HIBCH: variants seen among roughly 807,000 people sequenced by gnomAD.
The protein encoded by HIBCH is 3-hydroxyisobutyryl-CoA hydrolase, mitochondrial.
HIBCH carries 50 observed loss-of-function variants against 58.2 expected under a neutral mutation model. The observed-to-expected ratio is 0.86, with a 90% CI of 0.68 to 1.09. The LOEUF (loss-of-function observed/expected upper bound fraction) is 1.09. Among genes scored for constraint, HIBCH ranks in the 50% least tolerant of loss-of-function variants. The probability of loss-of-function intolerance (pLI) is 0.00; values close to 1 mark genes in which losing one functional copy is unlikely to be tolerated. For missense variants in HIBCH, 450 were observed against 449.7 expected, an observed-to-expected ratio of 1.00 and a Z score of -0.01; for synonymous variants, 151 against 146.9, an observed-to-expected ratio of 1.03 and a Z score of -0.20.
At chr2:190,299,817 C>T (rs1559060808) in intron 2 of HIBCH, among the ~76,000 whole-genome samples, 1 of 152,144 alleles carries the variant, frequency 6.6e-6, no homozygotes, top group Non-Finnish European at 1.5e-5. Flanking sequence ...CTCCCTCCTC[C>T]TATCCTCGAC....
At chr2:190,290,506 A>AT (rs768437972) in intron 4 of HIBCH, 21 bp from the exon 5 acceptor site, 3 of 1,495,298 alleles carry the variant, frequency 2.0e-6, no homozygotes, top group South Asian at 1.1e-5. Flanking sequence ...AAGATTACAA[A>AT]TAAAAAAAAA....
At chr2:190,316,537 A>C (rs895773140) in intron 1 of HIBCH, among the ~76,000 whole-genome samples, 4 of 152,322 alleles carry the variant, frequency 2.6e-5, no homozygotes, top group Middle Eastern at 3.4e-3. Context: ...CTAAAACTGC[A>C]CTTTTTCCAG....
intron 6 of HIBCH, among the ~76,000 whole-genome samples, chr2:190,283,454 G>C (rs549111008): frequency 2.2e-4 from 34 of 152,264 alleles, no homozygotes; most frequent in African/African-American, 7.9e-4. Flanking sequence ...CCTTGTCCAG[G>C]TGTATGCTCA....
intron 11 of HIBCH, among the ~76,000 whole-genome samples, chr2:190,222,293 C>T (rs112815755): frequency 5.6e-4 from 86 of 152,244 alleles, no homozygotes; most frequent in African/African-American, 1.7e-3. Flanking sequence ...GGCACAGAAA[C>T]GGCCGGCTAG....
intron 11 of HIBCH, among the ~76,000 whole-genome samples, chr2:190,222,095 G>A (rs199562347): frequency 6.6e-6 from 1 of 152,150 alleles, no homozygotes; most frequent in Non-Finnish European, 1.5e-5. Context: ...AGCACTGACT[G>A]TAACACTCTT....
Position 190,280,584 on chromosome 2 carries a change from G to T in HIBCH, c.438+7002C>A, listed in dbSNP as rs145327137. On this transcript the variant is annotated intron_variant, in intron 6 of 13. Transcript: ENST00000359678. Reference sequence around the variant, plus strand: ...AGCATGTGCATTTAGATGCAAAATTGCAGAGTTTAACTGGTATATAACCTT... The same window carrying T: ...AGCATGTGCATTTAGATGCAAAATTTCAGAGTTTAACTGGTATATAACCTT... Among the ~76,000 whole-genome samples the T allele has an allele frequency of 5.6e-3, 848 of 152,258 alleles. 3 individuals are homozygous for T. Among genetic ancestry groups the T allele is most frequent in the Middle Eastern group, 0.01 (3 of 294 alleles).
intron 2 of HIBCH, among the ~76,000 whole-genome samples, chr2:190,305,640 A>C (rs140715327): frequency 2.5e-3 from 379 of 152,292 alleles, no homozygotes; most frequent in African/African-American, 8.6e-3. Context: ...GACACAATTC[A>C]ATCCATAATA....
intron 2 of HIBCH, 82 bp from the exon 3 acceptor site, chr2:190,297,035 C>T: frequency 7.9e-7 from 1 of 1,272,040 alleles, no homozygotes; most frequent in South Asian, 1.2e-5. Flanking sequence ...ATATCAAATG[C>T]AAATCTTGCA....
At chr2:190,223,125 T>G (rs1162003379) in intron 11 of HIBCH, among the ~76,000 whole-genome samples, 1 of 151,670 alleles carries the variant, frequency 6.6e-6, no homozygotes, top group Admixed American at 6.6e-5. Context: ...CTGTTGGGAG[T>G]TGGGGGTTAG....
chr2:190,260,920 TTTTA>T (rs1199753396), intron 7 of HIBCH, among the ~76,000 whole-genome samples: 1 of 152,172 alleles, frequency 6.6e-6, no homozygotes, highest in Non-Finnish European at 1.5e-5. Context: ...AGTGTTAATG[TTTTA>T]TTTATAGTGT....
chr2:190,239,323 A>G (rs531425738), intron 11 of HIBCH, among the ~76,000 whole-genome samples: 14 of 152,144 alleles, frequency 9.2e-5, no homozygotes, highest in Admixed American at 4.6e-4. Flanking sequence ...ATTGGTCTAT[A>G]TATCTGTTTT....
At chr2:190,191,731 T>C (rs1271082013) in intron 1 of HIBCH, among the ~76,000 whole-genome samples, 1 of 152,228 alleles carries the variant, frequency 6.6e-6, no homozygotes, top group Non-Finnish European at 1.5e-5. Flanking sequence ...ATTGAGCATC[T>C]TTCATGTACT....
intron 5 of HIBCH, among the ~76,000 whole-genome samples, chr2:190,288,337 C>G (rs138911972): frequency 3.8e-4 from 57 of 151,176 alleles, no homozygotes; most frequent in African/African-American, 9.7e-4. Flanking sequence ...ATGGAAGATC[C>G]AAAGTCCAAC....
intron 6 of HIBCH, among the ~76,000 whole-genome samples, chr2:190,268,160 A>G (rs760499540): frequency 1.3e-5 from 2 of 152,240 alleles, no homozygotes; most frequent in Non-Finnish European, 2.9e-5. Context: ...TTCTACAATT[A>G]TGGTATGTCC....
intron 6 of HIBCH, among the ~76,000 whole-genome samples, chr2:190,282,369 G>A (rs59090097): frequency 0.16 from 23,987 of 152,180 alleles, 2,710 homozygotes; most frequent in East Asian, 0.4. Context: ...AGCTTCTAGT[G>A]AGGGCCTTAT....
intron 6 of HIBCH, among the ~76,000 whole-genome samples, chr2:190,268,733 C>T (rs931131305): frequency 1.3e-5 from 2 of 152,208 alleles, no homozygotes; most frequent in Non-Finnish European, 2.9e-5. Context: ...CTATTCTAGA[C>T]AAAAAGCAAT....
intron 4 of HIBCH, among the ~76,000 whole-genome samples, chr2:190,291,086 T>C (rs146720989): frequency 2.9e-4 from 44 of 152,320 alleles, no homozygotes; most frequent in African/African-American, 1.1e-3. Context: ...AAATTAACAT[T>C]TGCTAGACAT....
At position 190,294,556 on chromosome 2, in the gene HIBCH, A is replaced by AC; in HGVS notation, c.293dup (p.Asp99Ter). On this transcript the variant is annotated frameshift_variant, in exon 4 of 14. Coordinates refer to ENST00000359678, the MANE Select transcript of HIBCH (RefSeq NM_014362.4). LOFTEE classifies it high-confidence loss of function. ...GGGAAAAGTCTTTACCTCTGATATC[A>AC]CCCCCGGCACAGAAAGCCTTTCCTC... is the stretch of plus-strand genomic sequence containing the variant. The AC allele has an allele frequency of 6.2e-7, 1 of 1,611,426 alleles. No individual in the cohort carries two copies. The highest frequency in any genetic ancestry group is 8.5e-7 in the Non-Finnish European group (1 of 1,178,584).
chr2:190,240,926 TG>T (rs1686433828), intron 11 of HIBCH, among the ~76,000 whole-genome samples: 1 of 152,242 alleles, frequency 6.6e-6, no homozygotes, highest in Non-Finnish European at 1.5e-5. Flanking sequence ...AAGTGCTATG[TG>T]GTACTGAAAA....
Sources: allele counts gnomAD v4.1 joint callset (sites outside exome capture counted in the v4.1 genomes callset), GRCh38; gene constraint gnomAD v4.1.1; transcripts MANE v1.5; gene names NCBI Gene and HGNC (gene_info 2026-07-23, HGNC 2026-07-21).